ANO2: variants seen among roughly 807,000 people sequenced by gnomAD.
The protein encoded by ANO2 is anoctamin 2.
ANO2 carries 101 observed loss-of-function variants against 124.2 expected under a neutral mutation model. The ratio of observed to expected loss-of-function variants is 0.81; its 90% CI spans 0.69 to 0.96. The LOEUF is 0.96. Ranked by LOEUF, ANO2 falls within the 40% of genes least tolerant of loss-of-function variation. ANO2 has a pLI of 0.00. For synonymous variants in ANO2, 486 were observed against 482.5 expected (o/e 1.01, Z -0.09); for missense variants, 1,293 against 1,274.5 (o/e 1.01, Z -0.22).
rs138997826 is a variant in ANO2, at chr12:5,745,689, A to T, written c.1191-1372T>A. Among the ~76,000 whole-genome samples the T allele has an allele frequency of 4.3e-3, 657 of 152,316 alleles. 4 individuals carry two copies. The highest frequency in any genetic ancestry group is 6.2e-3 in the South Asian group (30 of 4,814). On this transcript the variant is annotated intron_variant, in intron 11 of 24. Coordinates refer to ENST00000682330, the MANE Select transcript of ANO2 (RefSeq NM_001364791.2). ...ATGAGCTACTAAGTCCACAGGAAGGAAAGGCCTCCTGTGTGAGAGAATGGA... is the reference window on the plus strand; with the variant it reads ...ATGAGCTACTAAGTCCACAGGAAGGTAAGGCCTCCTGTGTGAGAGAATGGA...
chr12:5,725,148 G>A (rs1041903663), intron 14 of ANO2, among the ~76,000 whole-genome samples: 7 of 149,446 alleles, frequency 4.7e-5, no homozygotes, highest in African/African-American at 1.7e-4. Context: ...CACACCACTG[G>A]CACACTCACC....
At chr12:5,873,483 G>A (rs933432494) in intron 3 of ANO2, among the ~76,000 whole-genome samples, 26 of 152,112 alleles carry the variant, frequency 1.7e-4, no homozygotes, top group Admixed American at 3.3e-4. Context: ...TCCCCAACCC[G>A]TCCCTGCCTC....
intron 7 of ANO2, among the ~76,000 whole-genome samples, chr12:5,820,768 A>G (rs1953770570): frequency 6.6e-6 from 1 of 152,248 alleles, no homozygotes; most frequent in Admixed American, 6.5e-5. Flanking sequence ...CAGAAGACAG[A>G]TGGATCTTGG....
intron 4 of ANO2, among the ~76,000 whole-genome samples, chr12:5,845,783 T>C (rs1954667746): frequency 6.6e-6 from 1 of 152,130 alleles, no homozygotes; most frequent in Admixed American, 6.5e-5. Flanking sequence ...CTTGGATAAG[T>C]TTATTAACCT....
chr12:5,784,190 C>T (rs1484164981), intron 10 of ANO2, among the ~76,000 whole-genome samples: 5 of 152,100 alleles, frequency 3.3e-5, no homozygotes, highest in African/African-American at 1.2e-4. Context: ...CCTCTCTATA[C>T]CCAACTCATA....
At chr12:5,933,000 G>C (rs1010675357) in intron 1 of ANO2, among the ~76,000 whole-genome samples, 1 of 152,200 alleles carries the variant, frequency 6.6e-6, no homozygotes, top group African/African-American at 2.4e-5. Context: ...GGGCCTGGCT[G>C]GTTGAGATTA....
intron 10 of ANO2, among the ~76,000 whole-genome samples, chr12:5,766,783 A>C (rs1951903733): frequency 6.6e-6 from 1 of 152,186 alleles, no homozygotes; most frequent in South Asian, 2.1e-4. Flanking sequence ...CTCAGGCCAG[A>C]CTACATTCAG....
chr12:5,569,573 A>T (rs1204326355), intron 23 of ANO2, among the ~76,000 whole-genome samples: 1 of 152,188 alleles, frequency 6.6e-6, no homozygotes, highest in Non-Finnish European at 1.5e-5. Context: ...CAGCTACGCC[A>T]CTTACTACCT....
At position 5,900,804 on chromosome 12, in the gene ANO2, T is replaced by G. The variant is rs902034113; in HGVS notation, c.534+20236A>C. 2.0e-5 allele frequency among the ~76,000 whole-genome samples: 3 copies of G among 152,100 alleles called. No homozygotes were observed. Among genetic ancestry groups the G allele is most frequent in the African/African-American group, 7.3e-5 (3 of 41,358 alleles). On this transcript the variant is annotated intron_variant, in intron 3 of 24. Coordinates refer to ENST00000682330, the MANE Select transcript of ANO2 (RefSeq NM_001364791.2). The surrounding 1 kb of genome is among the most constrained non-coding windows in gnomAD (Gnocchi z 4.2). Reference sequence around the variant, plus strand: ...CTGAGTATTTAATTAGAACTGGTGATGGCTGTTTGGAAAGAGTCAAGGCCA... The same window carrying G: ...CTGAGTATTTAATTAGAACTGGTGAGGGCTGTTTGGAAAGAGTCAAGGCCA...
At chr12:5,867,714 C>G (rs11063892) in intron 3 of ANO2, among the ~76,000 whole-genome samples, 2 of 136,522 alleles carry the variant, frequency 1.5e-5, no homozygotes, top group African/African-American at 5.5e-5. Context: ...TAGCTAAAAT[C>G]TAGATCTTGG....
intron 7 of ANO2, among the ~76,000 whole-genome samples, chr12:5,809,400 G>A (rs1187365193): frequency 2.6e-5 from 4 of 152,056 alleles, no homozygotes; most frequent in Admixed American, 6.5e-5. Flanking sequence ...CAGCTAGACC[G>A]CACCCCAGAA....
intron 10 of ANO2, among the ~76,000 whole-genome samples, chr12:5,775,273 A>C (rs1464442129): frequency 6.6e-6 from 1 of 152,018 alleles, no homozygotes; most frequent in Non-Finnish European, 1.5e-5. Context: ...AATTACGTGC[A>C]CACACACAGA....
At chr12:5,930,394 G>A (rs1310338848) in intron 1 of ANO2, among the ~76,000 whole-genome samples, 1 of 152,102 alleles carries the variant, frequency 6.6e-6, no homozygotes, top group Non-Finnish European at 1.5e-5. Flanking sequence ...GTGGGTAATG[G>A]GGGTATAGGG....
intron 20 of ANO2, among the ~76,000 whole-genome samples, chr12:5,587,494 T>C (rs1302088784): frequency 6.6e-6 from 1 of 152,158 alleles, no homozygotes; most frequent in Admixed American, 6.5e-5. Context: ...TCATCAGCCC[T>C]GAGGAAAACC....
At chr12:5,914,179 G>A (rs191267772) in intron 3 of ANO2, among the ~76,000 whole-genome samples, 117 of 148,012 alleles carry the variant, frequency 7.9e-4, no homozygotes, top group Admixed American at 2.6e-3. Flanking sequence ...CAGCCTAGGT[G>A]ACAGAGTGAG....
intron 10 of ANO2, among the ~76,000 whole-genome samples, chr12:5,764,776 G>A (rs138516361): frequency 6.6e-6 from 1 of 150,794 alleles, no homozygotes; most frequent in South Asian, 2.1e-4. Context: ...GCATTCGATC[G>A]TTCAGAGACA....
In ANO2 at chr12:5,908,386, A is replaced by G. The variant is rs116278401; in HGVS notation, c.534+12654T>C. Among the ~76,000 whole-genome samples, 1,734 of 152,324 alleles carry G rather than the reference A, an allele frequency of 0.011. 35 individuals are homozygous for G. Among genetic ancestry groups the G allele is most frequent in the African/African-American group, 0.039 (1,641 of 41,578 alleles). ...CCTCAGCCCTTACCACCTGAGAATA[A>G]TCAATTCCTGAGTGGAAACTCAACA... On this transcript the variant is annotated intron_variant, in intron 3 of 24. Coordinates refer to ENST00000682330, the MANE Select transcript of ANO2 (RefSeq NM_001364791.2). The surrounding 1 kb of genome is among the most constrained non-coding windows in gnomAD (Gnocchi z 4.7).
chr12:5,712,053 G>T (rs554298045), intron 14 of ANO2, among the ~76,000 whole-genome samples: 1 of 152,300 alleles, frequency 6.6e-6, no homozygotes, highest in Non-Finnish European at 1.5e-5. Flanking sequence ...GAGCTGCAGT[G>T]AGGCCCTGTG....
chr12:5,844,041 C>T (rs186576658), intron 4 of ANO2, among the ~76,000 whole-genome samples: 182 of 152,078 alleles, frequency 1.2e-3, no homozygotes, highest in Non-Finnish European at 2.3e-3. Flanking sequence ...AATATCAGCT[C>T]GGGCTGAAGG....
Sources: gnomAD v4.1 joint callset for allele counts (sites outside exome capture counted in the v4.1 genomes callset) on GRCh38, gnomAD v4.1.1 for gene constraint, Gnocchi (gnomAD v3.1) non-coding constraint, MANE v1.5 for transcripts, NCBI Gene and HGNC (gene_info 2026-07-23, HGNC 2026-07-21) for gene names.